Variants in RARS1 observed in about 807,000 individuals in gnomAD.
The protein encoded by RARS1 is arginine--tRNA ligase, cytoplasmic.
RARS1 carries 75 observed loss-of-function variants against 78.7 expected under a neutral mutation model. The observed-to-expected ratio is 0.95, with a 90% CI of 0.79 to 1.15. The LOEUF is 1.15. Among genes scored for constraint, RARS1 ranks in the 50% most tolerant of loss-of-function variants. RARS1 has a pLI of 0.00. For missense variants in RARS1, 787 were observed against 787.5 expected (o/e 1.00, Z 0.01); for synonymous variants, 273 against 268.2 (o/e 1.02, Z -0.18).
At position 168,517,841 on chromosome 5, in the gene RARS1, A is replaced by T. The variant is rs1348596243; in HGVS notation, c.1652A>T (p.Asp551Val). The T allele has an allele frequency of 6.2e-7, 1 of 1,602,320 alleles. No individual in the cohort carries two copies. Among genetic ancestry groups the T allele is most frequent in the Non-Finnish European group, 8.5e-7 (1 of 1,174,266 alleles). The change falls in exon 14 of 15, where the codon GAT (aspartate) becomes GTT (valine). Residue 551 changes from aspartate (D) to valine (V), a missense_variant. Transcript: ENST00000231572. ...IRSIARLANI[D>V]EEMLQKAARE... ...TCTATTGCACGTCTGGCCAATATTG[A>T]TGAAGAAATGCTCCAAAAAGCTGCT... is the stretch of plus-strand genomic sequence containing the variant.
At chr5:168,518,207 C>A in intron 14 of RARS1, 145 bp downstream of exon 14, 1 of 1,035,996 alleles carries the variant, frequency 9.7e-7, no homozygotes, top group Non-Finnish European at 1.3e-6. Context: ...CTTGAGCCTC[C>A]CGAATGGCTG....
At chr5:168,516,633 C>T in intron 12 of RARS1, 145 bp from the exon 13 acceptor site, 1 of 710,332 alleles carries the variant, frequency 1.4e-6, no homozygotes, top group Non-Finnish European at 2.3e-6. Context: ...GGCCCATGTC[C>T]TTCTGCCTCA....
At chr5:168,517,444 A>G (rs1249915307) in intron 13 of RARS1, among the ~76,000 whole-genome samples, 1 of 152,164 alleles carries the variant, frequency 6.6e-6, no homozygotes, top group African/African-American at 2.4e-5. Flanking sequence ...CGCTCAGCCT[A>G]AAGTGTTCTT....
At chr5:168,505,054 G>T (rs906590120) in intron 9 of RARS1, among the ~76,000 whole-genome samples, 1 of 152,184 alleles carries the variant, frequency 6.6e-6, no homozygotes, top group Non-Finnish European at 1.5e-5. Context: ...GCACAGAGAA[G>T]TTAGTATCTT....
Position 168,497,248 on chromosome 5 carries a change from G to T in RARS1, c.722G>T (p.Trp241Leu). 1 of 1,577,158 alleles carries T rather than the reference G, an allele frequency of 6.3e-7. No homozygotes were observed. Among genetic ancestry groups the T allele is most frequent in the Non-Finnish European group, 8.6e-7 (1 of 1,159,786 alleles). The change falls in exon 7 of 15, where the codon TGG (tryptophan) becomes TTG (leucine). Residue 241 changes from tryptophan (W) to leucine (L), a missense_variant. Coordinates refer to ENST00000231572, the MANE Select transcript of RARS1 (RefSeq NM_002887.4). ...DVLRLNHVGDWGTQFGMLIAH... is the reference protein window; with the variant it reads ...DVLRLNHVGDLGTQFGMLIAH... ...GTTAGGTTAAATCATGTAGGAGACT[G>T]GGGGACCCAGTTTGGCATGCTCATC...
chr5:168,499,094 G>C (rs1379151759), intron 7 of RARS1, among the ~76,000 whole-genome samples: 3 of 152,172 alleles, frequency 2.0e-5, no homozygotes, highest in Non-Finnish European at 4.4e-5. Context: ...GAGGCAGGCA[G>C]ATTGCTTGAG....
intron 11 of RARS1, among the ~76,000 whole-genome samples, chr5:168,507,080 G>A (rs1419110630): frequency 6.6e-6 from 1 of 151,966 alleles, no homozygotes; most frequent in East Asian, 1.9e-4. Context: ...ATATATAAGG[G>A]GTTTCCTCTC....
At chr5:168,487,289 C>T (rs1253109888) in intron 1 of RARS1, among the ~76,000 whole-genome samples, 2 of 152,018 alleles carry the variant, frequency 1.3e-5, no homozygotes, top group East Asian at 1.9e-4. Context: ...TGGCGTGAAC[C>T]CGGGAGGCGG....
At chr5:168,518,741 T>C (rs1469907227) in intron 14 of RARS1, among the ~76,000 whole-genome samples, 1 of 152,156 alleles carries the variant, frequency 6.6e-6, no homozygotes, top group Non-Finnish European at 1.5e-5. Context: ...TGAAACTTTA[T>C]TAGGGAAAAA....
At chr5:168,497,411 C>T (rs1269699287) in intron 7 of RARS1, 63 bp downstream of exon 7, 1 of 1,309,594 alleles carries the variant, frequency 7.6e-7, no homozygotes, top group East Asian at 2.7e-5. Context: ...ATCCATTTTC[C>T]TTAGGAAACT....
intron 9 of RARS1, among the ~76,000 whole-genome samples, chr5:168,504,554 C>T (rs544749654): frequency 4.1e-5 from 6 of 147,856 alleles, no homozygotes; most frequent in East Asian, 2.0e-4. Context: ...ATGCCAGGCC[C>T]GGTGGCTCAG....
chr5:168,488,789 T>C lies in RARS1; in HGVS notation c.180+53T>C, dbSNP rs1758021411. 2.0e-6 allele frequency: 3 copies of C among 1,507,474 alleles called. No homozygotes were observed. In the Admixed American group the frequency reaches 6.6e-5, roughly 33 times the overall value. The allele number at this position is 1,507,474 out of a possible 1,614,324, so 93.4% of individuals were successfully genotyped here. On this transcript the variant is annotated intron_variant, in intron 2 of 14. Transcript: ENST00000231572. ...CTCCAGTTTGAATCATTATAGCTTT[T>C]TTAAAGCCTTTGTTACCAAAGATTC...
intron 9 of RARS1, among the ~76,000 whole-genome samples, chr5:168,503,231 G>T (rs1032680728): frequency 6.6e-6 from 1 of 152,188 alleles, no homozygotes; most frequent in Admixed American, 6.5e-5. Flanking sequence ...GGCTTTATCA[G>T]CTATTTATGA....
chr5:168,495,457 T>C (rs1426493922), intron 6 of RARS1, 21 bp downstream of exon 6: 1 of 1,600,118 alleles, frequency 6.2e-7, no homozygotes, highest in African/African-American at 1.3e-5. Flanking sequence ...TTGCCTTGCG[T>C]ACTATTCTCT....
At chr5:168,507,573 A>G (rs1758473647) in intron 11 of RARS1, among the ~76,000 whole-genome samples, 1 of 152,208 alleles carries the variant, frequency 6.6e-6, no homozygotes, top group South Asian at 2.1e-4. Flanking sequence ...GAAGTAGCTC[A>G]AGATGTTTGG....
intron 9 of RARS1, among the ~76,000 whole-genome samples, chr5:168,502,568 ATTTTTTT>A (rs34271397): frequency 3.3e-5 from 4 of 121,184 alleles, no homozygotes; most frequent in East Asian, 2.3e-4. Flanking sequence ...TGATTCATGA[ATTTTTTT>A]TTTTTTTTTT....
chr5:168,487,211 AAAC>A (rs1181765230), intron 1 of RARS1, among the ~76,000 whole-genome samples: 1 of 131,146 alleles, frequency 7.6e-6, no homozygotes. Context: ...AAATACAAAA[AAAC>A]TTAACCGGCT....
At chr5:168,491,173 C>T (rs1166724887) in intron 2 of RARS1, among the ~76,000 whole-genome samples, 1 of 152,060 alleles carries the variant, frequency 6.6e-6, no homozygotes, top group East Asian at 1.9e-4. Flanking sequence ...AAAAAATTGA[C>T]ATTTATTATA....
At chr5:168,490,810 A>G (rs1437218131) in intron 2 of RARS1, among the ~76,000 whole-genome samples, 1 of 152,150 alleles carries the variant, frequency 6.6e-6, no homozygotes, top group Non-Finnish European at 1.5e-5. Flanking sequence ...ACACACATAC[A>G]TATGTACATG....
Sources: gnomAD v4.1 joint callset for allele counts (sites outside exome capture counted in the v4.1 genomes callset) on GRCh38, gnomAD v4.1.1 for gene constraint, MANE v1.5 for transcripts, NCBI Gene and HGNC (gene_info 2026-07-23, HGNC 2026-07-21) for gene names.